The following ZZZ3 variants were observed in gnomAD, a reference collection of about 807,000 sequenced individuals.
The protein encoded by ZZZ3 is zinc finger ZZ-type containing 3, also known as ZZ-type zinc finger-containing protein 3.
In ZZZ3, 22 loss-of-function variants were observed where a neutral mutation model predicts 95.2. The ratio of observed to expected loss-of-function variants is 0.23; its 90% CI spans 0.17 to 0.33. The LOEUF (loss-of-function observed/expected upper bound fraction) is 0.33, where lower values mean the gene tolerates loss of function less well. Among genes scored for constraint, ZZZ3 ranks in the 10% least tolerant of loss-of-function variants. The pLI, the probability that ZZZ3 is intolerant of heterozygous loss-of-function variation, is 1.00. For missense variants in ZZZ3, 885 were observed against 1,066.5 expected, an observed-to-expected ratio of 0.83 and a Z score of 2.37; for synonymous variants, 335 against 358.9, an observed-to-expected ratio of 0.93 and a Z score of 0.75.
Position 77,565,558 on chromosome 1 carries a change from T to C in ZZZ3, c.*82A>G. On this transcript the variant is annotated 3_prime_UTR_variant, in exon 15 of 15. Coordinates refer to ENST00000370801, the MANE Select transcript of ZZZ3 (RefSeq NM_015534.6). The stretch of plus-strand genomic sequence containing the variant: ...GTGTCATTTCTGGGAAAGCAGAGAA[T>C]CTTTCCAAACTGTGCACATAATTAA... 2.8e-6 allele frequency: 4 copies of C among 1,446,658 alleles called. No homozygotes were observed. The highest frequency in any genetic ancestry group is 3.8e-6 in the Non-Finnish European group (4 of 1,056,988). The allele number at this position is 1,446,658 out of a possible 1,614,324, so 89.6% of individuals were successfully genotyped here.
intron 1 of ZZZ3, among the ~76,000 whole-genome samples, chr1:77,679,947 G>C (rs1672596421): frequency 6.6e-6 from 1 of 152,052 alleles, no homozygotes; most frequent in Non-Finnish European, 1.5e-5. Context: ...AAAGTTCTAA[G>C]AACAAGGAAC....
At chr1:77,663,844 G>A (rs1356655956) in intron 1 of ZZZ3, among the ~76,000 whole-genome samples, 1 of 151,780 alleles carries the variant, frequency 6.6e-6, no homozygotes, top group African/African-American at 2.4e-5. Context: ...CCACCTCCCG[G>A]GTTCAAGCGA....
chr1:77,654,087 C>T (rs1388050521), intron 1 of ZZZ3, among the ~76,000 whole-genome samples: 1 of 148,084 alleles, frequency 6.8e-6, no homozygotes, highest in Non-Finnish European at 1.5e-5. Flanking sequence ...ACTTGGGAGG[C>T]TGAGGCAGGG....
rs1026326270 is a variant in ZZZ3, at chr1:77,565,843, A to G, written c.2568-59T>C. The G allele has an allele frequency of 4.0e-6, 6 of 1,493,654 alleles. No individual in the cohort carries two copies. In the African/African-American group the frequency reaches 4.2e-5, roughly 10 times the overall value. 92.5% of individuals were successfully genotyped at this position (1,493,654 alleles called of 1,614,324 possible). A position where few individuals can be genotyped will look rare whatever the true frequency, so the allele number is the denominator to read the frequency against. ...GTAGTGGATGCATTTTAGTCTGTGT[A>G]TTACAAAGCTTCCTCACAGCTCTCC... On this transcript the variant is annotated intron_variant, in intron 14 of 14. Coordinates refer to ENST00000370801, the MANE Select transcript of ZZZ3 (RefSeq NM_015534.6).
intron 5 of ZZZ3, among the ~76,000 whole-genome samples, chr1:77,627,234 G>A (rs548189119): frequency 3.3e-5 from 5 of 152,064 alleles, no homozygotes; most frequent in Non-Finnish European, 7.4e-5. Flanking sequence ...TCTTAATTAC[G>A]AGTTAGGAAA....
Position 77,632,605 on chromosome 1 carries a change from T to G in ZZZ3, c.750A>C (p.Ser250=), listed in dbSNP as rs1254033378. The change falls in exon 5 of 15, where the codon TCA becomes TCC. Residue 250 remains serine (S), a synonymous_variant. Transcript: ENST00000370801. ...CCTCCTTCCTACTATCAAGGAACAT[T>G]GAAGTTTGGGTATCCGTATCCCCAT... ...AENGDTDTQT[S]MFLDSRKEDS... is the part of the protein sequence containing the mutation. The G allele has an allele frequency of 5.6e-6, 9 of 1,614,100 alleles. No homozygotes were observed. The African/African-American group carries it at 1.1e-4, about 19-fold the overall frequency.
upstream of ZZZ3, among the ~76,000 whole-genome samples, chr1:77,683,102 CCGTCGCAG>C (rs1672958727): frequency 1.4e-5 from 2 of 145,300 alleles, no homozygotes; most frequent in Non-Finnish European, 3.0e-5. Flanking sequence ...GCCGTCGCAG[CCGTCGCAG>C]CCGTCGCAGT....
intron 5 of ZZZ3, chr1:77,614,762 T>C (rs1666148765): frequency 6.6e-6 from 1 of 152,176 alleles, no homozygotes; most frequent in South Asian, 2.1e-4. Context: ...ACAGTATTTA[T>C]CTACTTTCAA....
At chr1:77,665,171 C>T (rs1671141700) in intron 1 of ZZZ3, among the ~76,000 whole-genome samples, 1 of 152,154 alleles carries the variant, frequency 6.6e-6, no homozygotes, top group Non-Finnish European at 1.5e-5. Flanking sequence ...AAAACAATTA[C>T]AAAAGGTCTT....
intron 5 of ZZZ3, among the ~76,000 whole-genome samples, chr1:77,616,102 C>T (rs1466640259): frequency 1.3e-5 from 2 of 152,104 alleles, no homozygotes; most frequent in East Asian, 1.9e-4. Context: ...TAGTCAGACA[C>T]GCTTCTTACC....
chr1:77,681,294 T>C (rs2101104785), intron 1 of ZZZ3, among the ~76,000 whole-genome samples: 2 of 152,280 alleles, frequency 1.3e-5, no homozygotes, highest in South Asian at 4.1e-4. Context: ...TATACCTCTC[T>C]GTATTATGTA....
At chr1:77,640,976 C>A (rs557286064) in intron 3 of ZZZ3, 5 of 152,124 alleles carry the variant, frequency 3.3e-5, no homozygotes, top group Non-Finnish European at 5.9e-5. Context: ...GTCTAATAAC[C>A]ATTTAATACT....
chr1:77,662,196 T>C (rs1325760701), intron 1 of ZZZ3, among the ~76,000 whole-genome samples: 4 of 152,018 alleles, frequency 2.6e-5, no homozygotes, highest in Non-Finnish European at 5.9e-5. Flanking sequence ...GTACTGTTAG[T>C]AGAGACGGGG....
intron 1 of ZZZ3, among the ~76,000 whole-genome samples, chr1:77,674,089 G>T (rs1279291235): frequency 6.7e-6 from 1 of 149,224 alleles, no homozygotes; most frequent in Non-Finnish European, 1.5e-5. Flanking sequence ...TACCCAAATA[G>T]CAATAAAACA....
chr1:77,649,490 G>T (rs1277476380), intron 1 of ZZZ3, among the ~76,000 whole-genome samples: 1 of 151,998 alleles, frequency 6.6e-6, no homozygotes, highest in African/African-American at 2.4e-5. Flanking sequence ...AATGTTAAAA[G>T]AAGTTCTTTA....
rs1660729122 is a variant in ZZZ3 at position 77,565,423 on chromosome 1, C to T, written c.*217G>A. ...TAAAACGCAGTGGTGAAAAATTCAC[C>T]AGGGAAACCTTTGCTCACCAGGAAT... On this transcript the variant is annotated 3_prime_UTR_variant, in exon 15 of 15. Transcript: ENST00000370801. 2.3e-6 allele frequency: 1 copy of T among 441,162 alleles called. No individual in the cohort carries two copies. Among genetic ancestry groups the T allele is most frequent in the African/African-American group, 2.0e-5 (1 of 49,196 alleles). 27.3% of individuals were successfully genotyped at this position (441,162 alleles called of 1,614,324 possible). A position where few individuals can be genotyped will look rare whatever the true frequency, so the allele number is the denominator to read the frequency against.
chr1:77,633,188 G>C lies in ZZZ3; in HGVS notation c.167C>G (p.Pro56Arg), dbSNP rs1667968949. The C allele has an allele frequency of 6.2e-7, 1 of 1,614,076 alleles. No homozygotes were observed. The highest frequency in any genetic ancestry group is 1.3e-5 in the African/African-American group (1 of 75,040). ...RSRSPKKRPE[P>R]VPIQKGNNNG... ...ATTATTTCCTTTCTGAATTGGCACA[G>C]GCTCTGGTCTCTTCTTTGGTGATCT... Residue 56 changes from proline to arginine, a missense_variant, in exon 5 of 15, where the codon CCT becomes CGT. Around this residue, in one of 5 missense-constraint regions of ZZZ3, gnomAD observed 556 missense variants for 652.9 expected, o/e 0.85. Coordinates refer to ENST00000370801, the MANE Select transcript of ZZZ3 (RefSeq NM_015534.6).
At position 77,563,563 on chromosome 1, in the gene ZZZ3, C is replaced by T. The variant is rs189343677; in HGVS notation, c.*2077G>A. The T allele has an allele frequency of 1.4e-3, 210 of 152,302 alleles. No individual in the cohort carries two copies. The highest frequency in any genetic ancestry group is 4.5e-3 in the African/African-American group (187 of 41,554). 9.4% of individuals were successfully genotyped at this position (152,302 alleles called of 1,614,324 possible). A position where few individuals can be genotyped will look rare whatever the true frequency, so the allele number is the denominator to read the frequency against. On this transcript the variant is annotated 3_prime_UTR_variant, in exon 15 of 15. Coordinates refer to ENST00000370801, the MANE Select transcript of ZZZ3 (RefSeq NM_015534.6). The stretch of plus-strand genomic sequence containing the variant: ...TTCCATTTATATAACAATTGTATCA[C>T]TCATATCCCTCTTCCAAAGCATACA...
chr1:77,586,675 C>G (rs1443587565), intron 5 of ZZZ3, among the ~76,000 whole-genome samples: 1 of 152,092 alleles, frequency 6.6e-6, no homozygotes, highest in Non-Finnish European at 1.5e-5. Flanking sequence ...AAATGATTAT[C>G]AGATTGGAAG....
Sources: gnomAD v4.1 joint callset for allele counts (sites outside exome capture counted in the v4.1 genomes callset) on GRCh38, gnomAD v4.1.1 for gene constraint, gnomAD v4.1.1 regional missense constraint, MANE v1.5 for transcripts, NCBI Gene and HGNC (gene_info 2026-07-23, HGNC 2026-07-21) for gene names.